The following RPS6KA2 variants were observed in gnomAD, a reference collection of about 807,000 sequenced individuals.
RPS6KA2 encodes ribosomal protein S6 kinase alpha-2.
Under a neutral mutation model 91.8 loss-of-function variants are expected in RPS6KA2, and 42 were observed. The observed-to-expected ratio is 0.46, with a 90% CI of 0.36 to 0.59. The LOEUF (loss-of-function observed/expected upper bound fraction) is 0.59. Among genes scored for constraint, RPS6KA2 ranks in the 20% least tolerant of loss-of-function variants. RPS6KA2 has a pLI of 0.00. For synonymous variants in RPS6KA2, 414 were observed against 393.6 expected, an observed-to-expected ratio of 1.05 and a Z score of -0.61; for missense variants, 798 against 978.5, an observed-to-expected ratio of 0.82 and a Z score of 2.46.
intron 2 of RPS6KA2, chr6:166,701,696 T>C: frequency 7.6e-7 from 1 of 1,321,520 alleles, no homozygotes; most frequent in Admixed American, 1.7e-5. Flanking sequence ...ATCCCTGAAG[T>C]GGGTGGGAAC....
intron 3 of RPS6KA2, among the ~76,000 whole-genome samples, chr6:166,517,455 G>GTTTTTTTTTTTTTTT (rs71032809): frequency 1.2e-4 from 13 of 104,930 alleles, no homozygotes; most frequent in African/African-American, 2.2e-4. Flanking sequence ...CTTTTGTTTT[G>GTTTTTTTTTTTTTTT]TTTTTTTTTT....
chr6:166,511,273 G>A (rs868350492), intron 3 of RPS6KA2, among the ~76,000 whole-genome samples: 1 of 152,162 alleles, frequency 6.6e-6, no homozygotes, highest in Non-Finnish European at 1.5e-5. Context: ...ATCCAATGGT[G>A]TGAGCATACA....
chr6:166,830,673 G>A (rs1459721424), intron 2 of RPS6KA2, among the ~76,000 whole-genome samples: 1 of 152,088 alleles, frequency 6.6e-6, no homozygotes, highest in Non-Finnish European at 1.5e-5. Flanking sequence ...CTTAGCGTGT[G>A]AGCCCACAGC....
chr6:166,783,903 C>T (rs75132368), intron 2 of RPS6KA2, among the ~76,000 whole-genome samples: 2 of 60,558 alleles, frequency 3.3e-5, no homozygotes, highest in Non-Finnish European at 6.2e-5. Flanking sequence ...ACGTGCACAC[C>T]TACGCATCAC....
rs1383647263 is a variant in RPS6KA2, at chr6:166,409,534, G to C, written c.*3228C>G. The C allele has an allele frequency of 2.6e-5, 4 of 152,484 alleles. No individual in the cohort carries two copies. The highest frequency in any genetic ancestry group is 9.6e-5 in the African/African-American group (4 of 41,462). The allele number at this position is 152,484 out of a possible 1,614,324, so 9.4% of individuals were successfully genotyped here. Reference sequence around the variant, plus strand: ...ATGTGTAAACATAACTGCTGAGCCAGTGAACAAAGTGCTGAGTCAGGAGCG... The same window carrying C: ...ATGTGTAAACATAACTGCTGAGCCACTGAACAAAGTGCTGAGTCAGGAGCG... On this transcript the variant is annotated 3_prime_UTR_variant, in exon 21 of 21. Transcript: ENST00000265678.
At chr6:166,669,396 G>A (rs34077837) in intron 2 of RPS6KA2, among the ~76,000 whole-genome samples, 1 of 152,134 alleles carries the variant, frequency 6.6e-6, no homozygotes, top group Non-Finnish European at 1.5e-5. Flanking sequence ...TTGGAGCTGA[G>A]AGAGGACAGC....
At chr6:166,441,768 G>A (rs2294329) in intron 14 of RPS6KA2, among the ~76,000 whole-genome samples, 8,234 of 152,314 alleles carry the variant, frequency 0.054, 369 homozygotes, top group African/African-American at 0.11. Context: ...CAGGAGCCGG[G>A]GCTAGTGCTG....
At chr6:166,591,944 C>A (rs1202975254) in intron 1 of RPS6KA2, among the ~76,000 whole-genome samples, 1 of 152,204 alleles carries the variant, frequency 6.6e-6, no homozygotes, top group Non-Finnish European at 1.5e-5. Context: ...ACTGGCTGGG[C>A]CCACTGTACC....
intron 1 of RPS6KA2, among the ~76,000 whole-genome samples, chr6:166,560,650 G>A (rs990182557): frequency 2.6e-5 from 4 of 151,828 alleles, no homozygotes; most frequent in Admixed American, 1.3e-4. Flanking sequence ...GGGTGGTCGC[G>A]AAACTCCAAG....
At chr6:166,723,849 G>A (rs56008213) in intron 2 of RPS6KA2, among the ~76,000 whole-genome samples, 13,598 of 151,602 alleles carry the variant, frequency 0.09, 1,082 homozygotes, top group African/African-American at 0.22. Context: ...ACAGGCACGC[G>A]CCACCACGCC....
intron 14 of RPS6KA2, among the ~76,000 whole-genome samples, chr6:166,444,638 A>G (rs984448230): frequency 1.3e-5 from 2 of 152,194 alleles, no homozygotes; most frequent in African/African-American, 4.8e-5. Context: ...TGCGCGTGAG[A>G]AGGAAGAGGG....
intron 2 of RPS6KA2, among the ~76,000 whole-genome samples, chr6:166,765,541 G>T (rs1007635780): frequency 4.6e-5 from 7 of 152,156 alleles, no homozygotes; most frequent in Non-Finnish European, 8.8e-5. Flanking sequence ...ACAAGAAAAC[G>T]ACTTTGTTTA....
intron 2 of RPS6KA2, among the ~76,000 whole-genome samples, chr6:166,633,585 C>G (rs1347191775): frequency 6.6e-6 from 1 of 152,236 alleles, no homozygotes; most frequent in East Asian, 1.9e-4. Context: ...ATTCGTTATT[C>G]ACTCGGTTAA....
rs991047911 is a variant in RPS6KA2, at chr6:166,464,648, C to T, written c.973-5097G>A. 9.2e-5 allele frequency among the ~76,000 whole-genome samples: 14 copies of T among 152,274 alleles called. No individual in the cohort carries two copies. The East Asian group carries it at 1.2e-3, about 13-fold the overall frequency. ...TGCTGTCTGCAGTGATTAACTTTTA[C>T]GAAGCTTTTTTTGGGTTCGTGCTAA... is the stretch of plus-strand genomic sequence containing the variant. On this transcript the variant is annotated intron_variant, in intron 11 of 20. Transcript: ENST00000265678.
At chr6:166,746,732 C>T (rs914445909) in intron 2 of RPS6KA2, among the ~76,000 whole-genome samples, 7 of 152,148 alleles carry the variant, frequency 4.6e-5, no homozygotes, top group African/African-American at 1.7e-4. Context: ...CCCTCCTTGT[C>T]TTCCACTAAT....
intron 2 of RPS6KA2, among the ~76,000 whole-genome samples, chr6:166,780,273 C>T (rs1221641553): frequency 6.6e-6 from 1 of 152,228 alleles, no homozygotes; most frequent in Non-Finnish European, 1.5e-5. Context: ...GAGGCAGTCA[C>T]CTCGGAGTAT....
chr6:166,734,754 T>G (rs945072174), intron 2 of RPS6KA2, among the ~76,000 whole-genome samples: 1 of 152,230 alleles, frequency 6.6e-6, no homozygotes, highest in Non-Finnish European at 1.5e-5. Context: ...ACCATGGAAC[T>G]GGTGCTAAGC....
intron 11 of RPS6KA2, among the ~76,000 whole-genome samples, chr6:166,464,320 C>G (rs1780440126): frequency 6.6e-6 from 1 of 152,238 alleles, no homozygotes; most frequent in Non-Finnish European, 1.5e-5. Flanking sequence ...GTCTCCTCTA[C>G]AAGTTTCTCC....
intron 2 of RPS6KA2, among the ~76,000 whole-genome samples, chr6:166,773,392 T>G (rs1028398857): frequency 6.6e-6 from 1 of 151,978 alleles, no homozygotes; most frequent in Admixed American, 6.6e-5. Flanking sequence ...TTTCGTTTTT[T>G]TTTGTTTTGT....
Sources: allele counts gnomAD v4.1 joint callset (sites outside exome capture counted in the v4.1 genomes callset), GRCh38; gene constraint gnomAD v4.1.1; transcripts MANE v1.5; gene names NCBI Gene and HGNC (gene_info 2026-07-23, HGNC 2026-07-21).